HYKK: variants seen among roughly 807,000 people sequenced by gnomAD.
HYKK encodes 5-hydroxy-L-lysine kinase.
In HYKK, 19 loss-of-function variants were observed where a neutral mutation model predicts 29.7. The ratio of observed to expected loss-of-function variants is 0.64; its 90% confidence interval spans 0.45 to 0.94. The LOEUF (loss-of-function observed/expected upper bound fraction) is 0.94, where lower values mean the gene tolerates loss of function less well. Ranked by LOEUF, HYKK falls within the 40% of genes least tolerant of loss-of-function variation. The probability of loss-of-function intolerance (pLI) is 0.00; values close to 1 mark genes in which losing one functional copy is unlikely to be tolerated. For synonymous variants in HYKK, 152 were observed against 158.1 expected (o/e 0.96, Z 0.29); for missense variants, 390 against 443.4 (o/e 0.88, Z 1.08).
At position 78,534,206 on chromosome 15, in the gene HYKK, G is replaced by A. The variant is rs77452014; in HGVS notation, c.*536G>A. 3.6e-3 allele frequency: 554 copies of A among 151,858 alleles called. 13 individuals carry two copies. In the East Asian group the frequency reaches 0.065, roughly 18 times the overall value. 9.4% of individuals were successfully genotyped at this position (151,858 alleles called of 1,614,324 possible). ...ATCTTGCCTGAGAGCTACTGAGGGCGGAGACCATGTAAAACTTATTTTTGT... is the reference window on the plus strand; with the variant it reads ...ATCTTGCCTGAGAGCTACTGAGGGCAGAGACCATGTAAAACTTATTTTTGT... On this transcript the variant is annotated 3_prime_UTR_variant, in exon 5 of 5. Coordinates refer to ENST00000388988, the MANE Select transcript of HYKK (RefSeq NM_001013619.4).
At chr15:78,522,047 C>T (rs7181245) in intron 3 of HYKK, among the ~76,000 whole-genome samples, 41,279 of 150,530 alleles carry the variant, frequency 0.27, 6,311 homozygotes, top group Admixed American at 0.47. Context: ...TGAGCTCAAG[C>T]GATCCTCTCA....
At chr15:78,516,811 A>G (rs1415129166) in intron 3 of HYKK, among the ~76,000 whole-genome samples, 1 of 151,504 alleles carries the variant, frequency 6.6e-6, no homozygotes. Context: ...CTCTAAGGCC[A>G]GGAGTTTGGG....
intron 3 of HYKK, among the ~76,000 whole-genome samples, chr15:78,522,558 C>CA (rs746784955): frequency 0.063 from 2,507 of 39,768 alleles, 70 homozygotes; most frequent in African/African-American, 0.087. Flanking sequence ...GACTCCGTCT[C>CA]AAAAAAAAAA....
At chr15:78,523,183 A>G (rs1015875061) in intron 3 of HYKK, among the ~76,000 whole-genome samples, 1 of 152,230 alleles carries the variant, frequency 6.6e-6, no homozygotes, top group African/African-American at 2.4e-5. Context: ...TAATTGGCGC[A>G]TGCTTCTGCA....
chr15:78,526,352 A>G (rs1036650764), intron 3 of HYKK, among the ~76,000 whole-genome samples: 4 of 152,332 alleles, frequency 2.6e-5, no homozygotes, highest in African/African-American at 9.6e-5. Context: ...AACTATGACA[A>G]ATGTTAGCAA....
intron 3 of HYKK, among the ~76,000 whole-genome samples, chr15:78,517,412 C>T (rs1289160626): frequency 2.0e-5 from 3 of 152,012 alleles, no homozygotes; most frequent in Non-Finnish European, 4.4e-5. Context: ...AACCCTGTCT[C>T]TACTGAAAAT....
intron 4 of HYKK, among the ~76,000 whole-genome samples, chr15:78,532,437 C>T (rs2052321479): frequency 6.6e-6 from 1 of 152,178 alleles, no homozygotes; most frequent in Admixed American, 6.5e-5. Context: ...AATATCACCA[C>T]CTATTTTAGT....
At position 78,533,872 on chromosome 15, in the gene HYKK, A is replaced by G. The variant is rs2052336744; in HGVS notation, c.*202A>G. ...TTTTAAAATTCACAAAAGTACCACA[A>G]GCAAGCATATTTTTCTGTGAGTCTT... On this transcript the variant is annotated 3_prime_UTR_variant, in exon 5 of 5. Transcript: ENST00000388988. The G allele has an allele frequency of 1.7e-6, 1 of 573,348 alleles. No individual in the cohort carries two copies. The highest frequency in any genetic ancestry group is 3.1e-6 in the Non-Finnish European group (1 of 325,386). The allele number at this position is 573,348 out of a possible 1,614,324, so 35.5% of individuals were successfully genotyped here. A position where few individuals can be genotyped will look rare whatever the true frequency, so the allele number is the denominator to read the frequency against.
chr15:78,530,988 G>A (rs1019730736), intron 4 of HYKK, among the ~76,000 whole-genome samples: 3 of 152,034 alleles, frequency 2.0e-5, no homozygotes, highest in Non-Finnish European at 4.4e-5. Context: ...TCATGCCTCA[G>A]CCTCCCTAGT....
At chr15:78,518,496 T>G in intron 3 of HYKK, 1 of 431,416 alleles carries the variant, frequency 2.3e-6, no homozygotes, top group Non-Finnish European at 4.7e-6. Flanking sequence ...TTTCATTCTC[T>G]CAGGGATCAC....
rs1567023232 is a variant in HYKK, at chr15:78,528,459, A to G, written c.661+896A>G. On this transcript the variant is annotated intron_variant, in intron 4 of 4. Transcript: ENST00000388988. The stretch of plus-strand genomic sequence containing the variant: ...ACACAGACAGGTGTTTCTCTAGGCT[A>G]TATTTCTAGATATAACCAGCCTTTT... The G allele has an allele frequency of 1.1e-5, 11 of 985,258 alleles. No individual in the cohort carries two copies. In the South Asian group the frequency reaches 2.3e-4, roughly 21 times the overall value. 61.0% of individuals were successfully genotyped at this position (985,258 alleles called of 1,614,324 possible).
chr15:78,529,687 G>T (rs1041222363), intron 4 of HYKK, among the ~76,000 whole-genome samples: 2 of 152,020 alleles, frequency 1.3e-5, no homozygotes, highest in African/African-American at 4.8e-5. Flanking sequence ...CAAGTCTTTG[G>T]CCTTTTTTCT....
At chr15:78,520,817 G>A (rs1479910099) in intron 3 of HYKK, among the ~76,000 whole-genome samples, 5 of 151,948 alleles carry the variant, frequency 3.3e-5, no homozygotes, top group Admixed American at 1.3e-4. Context: ...AGGGGCGGCC[G>A]GGCAGAGGCG....
chr15:78,522,966 A>G (rs929060507), intron 3 of HYKK, among the ~76,000 whole-genome samples: 1 of 152,180 alleles, frequency 6.6e-6, no homozygotes, highest in Non-Finnish European at 1.5e-5. Flanking sequence ...GACTAATCCT[A>G]TTCCAGATGG....
At chr15:78,517,536 A>G (rs2052148876) in intron 3 of HYKK, among the ~76,000 whole-genome samples, 1 of 151,986 alleles carries the variant, frequency 6.6e-6, no homozygotes, top group Non-Finnish European at 1.5e-5. Context: ...CCAAGATTGC[A>G]CCACTGCACT....
intron 2 of HYKK, among the ~76,000 whole-genome samples, chr15:78,514,287 C>T (rs141507440): frequency 1.1e-4 from 17 of 152,166 alleles, no homozygotes; most frequent in South Asian, 4.2e-4. Flanking sequence ...TCCCTAAGGC[C>T]GCCAGTCCTC....
At chr15:78,533,172 A>G in intron 4 of HYKK, 38 bp from the exon 5 acceptor site, 1 of 1,277,492 alleles carries the variant, frequency 7.8e-7, no homozygotes, top group Non-Finnish European at 1.1e-6. Context: ...GAATTGGGAT[A>G]TTCAATAACT....
At chr15:78,508,605 C>T (rs2052038408) in intron 1 of HYKK, among the ~76,000 whole-genome samples, 1 of 152,090 alleles carries the variant, frequency 6.6e-6, no homozygotes, top group Non-Finnish European at 1.5e-5. Flanking sequence ...GAGCTAAATA[C>T]TGTTGGCCGG....
At chr15:78,510,808 TTTAAG>T (rs1374600143) in intron 1 of HYKK, among the ~76,000 whole-genome samples, 9 of 152,170 alleles carry the variant, frequency 5.9e-5, no homozygotes, top group Admixed American at 5.9e-4. Flanking sequence ...TTACTTAGGT[TTTAAG>T]TTAAGTTTTG....
Sources: gnomAD v4.1 joint callset for allele counts (sites outside exome capture counted in the v4.1 genomes callset) on GRCh38, gnomAD v4.1.1 for gene constraint, MANE v1.5 for transcripts, NCBI Gene and HGNC (gene_info 2026-07-23, HGNC 2026-07-21) for gene names.